Variants in FAM13A observed in about 807,000 individuals in gnomAD.
FAM13A encodes protein FAM13A.
FAM13A carries 76 observed loss-of-function variants against 129.6 expected under a neutral mutation model. The observed-to-expected ratio is 0.59, with a 90% confidence interval of 0.49 to 0.71. The LOEUF (loss-of-function observed/expected upper bound fraction) is 0.71, where lower values mean the gene tolerates loss of function less well. FAM13A is among the 30% of genes least tolerant of loss of function. The pLI is 0.00. For synonymous variants in FAM13A, 443 were observed against 449.9 expected (o/e 0.98, Z 0.20); for missense variants, 1,108 against 1,249.3 (o/e 0.89, Z 1.70).
At chr4:88,931,178 C>T (rs962000878) in intron 5 of FAM13A, among the ~76,000 whole-genome samples, 1 of 152,024 alleles carries the variant, frequency 6.6e-6, no homozygotes, top group African/African-American at 2.4e-5. Context: ...GGTTTCCCCT[C>T]TCTCTCCTTG....
intron 4 of FAM13A, among the ~76,000 whole-genome samples, chr4:88,981,405 C>T (rs780163471): frequency 4.6e-5 from 7 of 152,084 alleles, no homozygotes; most frequent in African/African-American, 7.2e-5. Flanking sequence ...CTCTAAACAA[C>T]GGCAAATAAA....
intron 5 of FAM13A, among the ~76,000 whole-genome samples, chr4:88,919,342 T>C (rs555838953): frequency 6.6e-6 from 1 of 152,370 alleles, no homozygotes; most frequent in South Asian, 2.1e-4. Flanking sequence ...GTTGGAAGTC[T>C]GTGAAGCAAA....
At chr4:88,865,911 A>G (rs1445470414) in intron 6 of FAM13A, among the ~76,000 whole-genome samples, 1 of 99,124 alleles carries the variant, frequency 1.0e-5, no homozygotes, top group African/African-American at 4.2e-5. Context: ...TTTTTTTGAG[A>G]CAGAGTCTCA....
At chr4:88,941,534 A>G (rs1561393474) in intron 4 of FAM13A, among the ~76,000 whole-genome samples, 1 of 152,198 alleles carries the variant, frequency 6.6e-6, no homozygotes. Flanking sequence ...AATAAAGCCA[A>G]TTCAGATCTT....
chr4:88,822,120 A>G (rs893072989), intron 7 of FAM13A, among the ~76,000 whole-genome samples: 4 of 152,178 alleles, frequency 2.6e-5, no homozygotes, highest in African/African-American at 9.7e-5. Context: ...GTTTTCCTAA[A>G]TGAAACATTT....
intron 7 of FAM13A, among the ~76,000 whole-genome samples, chr4:88,825,437 G>A (rs867143287): frequency 2.7e-4 from 41 of 151,978 alleles, no homozygotes; most frequent in African/African-American, 8.9e-4. Context: ...GGCTGGTCTC[G>A]AACTCCTGAC....
intron 13 of FAM13A, chr4:88,759,136 C>G: frequency 2.3e-6 from 1 of 443,572 alleles, no homozygotes; most frequent in East Asian, 3.5e-5. Flanking sequence ...TTCCCGATAA[C>G]TGCAGGCAGC....
rs550505321 is a variant in FAM13A at position 88,916,046 on chromosome 4, AAAG to A, written c.760-9587_760-9585del. 1.5e-3 allele frequency among the ~76,000 whole-genome samples: 230 copies of A among 152,244 alleles called. 3 individuals are homozygous for A. Among genetic ancestry groups the A allele is most frequent in the African/African-American group, 5.2e-3 (216 of 41,544 alleles). ...ACCTCTTATCTTTATAAATTAAAAAAAAGAAGAAGAAGAGGAAGAGAGATTTGA... is the reference window on the plus strand; with the variant it reads ...ACCTCTTATCTTTATAAATTAAAAAAAAGAAGAAGAGGAAGAGAGATTTGA... On this transcript the variant is annotated intron_variant, in intron 5 of 23. Coordinates refer to ENST00000264344, the MANE Select transcript of FAM13A (RefSeq NM_014883.4).
intron 1 of FAM13A, among the ~76,000 whole-genome samples, chr4:89,040,401 C>A (rs925871178): frequency 4.6e-5 from 7 of 152,024 alleles, no homozygotes; most frequent in Non-Finnish European, 8.8e-5. Context: ...AAAGAGACTC[C>A]CAGCTAACAA....
At position 89,029,393 on chromosome 4, in the gene FAM13A, T is replaced by A; in HGVS notation, c.217+67A>T. On this transcript the variant is annotated intron_variant, in intron 2 of 23. Transcript: ENST00000264344. ...GCCTAATCATACATTATGAAATAAT[T>A]CACACAAATAATTTGTTTATGCAAG... is the stretch of plus-strand genomic sequence containing the variant. The A allele has an allele frequency of 2.4e-6, 3 of 1,228,040 alleles. No individual in the cohort carries two copies. In the South Asian group the frequency reaches 4.0e-5, roughly 16 times the overall value. 76.1% of individuals were successfully genotyped at this position (1,228,040 alleles called of 1,614,324 possible). A position where few individuals can be genotyped will look rare whatever the true frequency, so the allele number is the denominator to read the frequency against.
intron 14 of FAM13A, chr4:88,753,651 T>C: frequency 1.1e-6 from 1 of 939,486 alleles, no homozygotes; most frequent in African/African-American, 1.8e-5. Context: ...TTTTCTGTTA[T>C]TCGATAGTCT....
intron 5 of FAM13A, among the ~76,000 whole-genome samples, chr4:88,908,459 T>C (rs1192359165): frequency 1.3e-5 from 2 of 152,240 alleles, no homozygotes; most frequent in African/African-American, 4.8e-5. Flanking sequence ...CTGTTGTCTA[T>C]GACTGTCTGA....
intron 5 of FAM13A, among the ~76,000 whole-genome samples, chr4:88,912,568 TACACACACACACAC>T (rs71594867): frequency 1.4e-5 from 2 of 146,096 alleles, no homozygotes; most frequent in Admixed American, 6.8e-5. Context: ...CACACATACA[TACACACACACACAC>T]ACACACACAC....
intron 5 of FAM13A, among the ~76,000 whole-genome samples, chr4:88,934,449 TC>T (rs970682774): frequency 2.0e-5 from 3 of 152,234 alleles, no homozygotes; most frequent in African/African-American, 7.2e-5. Context: ...CATTATTTTA[TC>T]CATACTTTTC....
chr4:88,774,536 T>C (rs1314580800), intron 11 of FAM13A, among the ~76,000 whole-genome samples: 1 of 152,166 alleles, frequency 6.6e-6, no homozygotes, highest in Non-Finnish European at 1.5e-5. Context: ...CAGGAGTTCT[T>C]GCTGAGTTGT....
intron 8 of FAM13A, among the ~76,000 whole-genome samples, chr4:88,795,588 G>C (rs1023656308): frequency 6.6e-6 from 1 of 151,752 alleles, no homozygotes; most frequent in Admixed American, 6.6e-5. Flanking sequence ...GAAAATTGAA[G>C]AGCAGAGAAT....
Position 88,881,099 on chromosome 4 carries a change from G to A in FAM13A, c.843+25280C>T, listed in dbSNP as rs554042799. Reference sequence around the variant, plus strand: ...TGGGAGCTCTATGGCGCTGCCCACCGCCTAATCCTCCCTATACTGCCACAG... The same window carrying A: ...TGGGAGCTCTATGGCGCTGCCCACCACCTAATCCTCCCTATACTGCCACAG... On this transcript the variant is annotated intron_variant, in intron 6 of 23. Coordinates refer to ENST00000264344, the MANE Select transcript of FAM13A (RefSeq NM_014883.4). Among the ~76,000 whole-genome samples the A allele has an allele frequency of 2.9e-3, 437 of 152,226 alleles. 3 individuals are homozygous for A. The highest frequency in any genetic ancestry group is 9.7e-3 in the African/African-American group (401 of 41,526).
chr4:88,844,606 T>C (rs1040911168), intron 7 of FAM13A, among the ~76,000 whole-genome samples: 4 of 152,024 alleles, frequency 2.6e-5, no homozygotes, highest in African/African-American at 9.7e-5. Flanking sequence ...CTGGAAAGTG[T>C]GGGTTCTCTG....
chr4:88,759,169 T>C lies in FAM13A; in HGVS notation c.1579-268A>G, dbSNP rs191036602. The C allele has an allele frequency of 5.2e-4, 195 of 373,366 alleles. 3 individuals are homozygous for C. The East Asian group carries it at 6.6e-3, about 13-fold the overall frequency. 23.1% of individuals were successfully genotyped at this position (373,366 alleles called of 1,614,324 possible). ...AGCTGACAGTCTTGGTGATTACTGA[T>C]TGGGGCCAGGAATGAGGGAAAGGAG... On this transcript the variant is annotated intron_variant, in intron 13 of 23. Transcript: ENST00000264344.
Sources: gnomAD v4.1 joint callset for allele counts (sites outside exome capture counted in the v4.1 genomes callset) on GRCh38, gnomAD v4.1.1 for gene constraint, MANE v1.5 for transcripts, NCBI Gene and HGNC (gene_info 2026-07-23, HGNC 2026-07-21) for gene names.